The following HECTD4 variants were observed in gnomAD, a reference collection of about 807,000 sequenced individuals.
HECTD4 encodes the protein probable E3 ubiquitin-protein ligase HECTD4.
In HECTD4, 114 loss-of-function variants were observed where a neutral mutation model predicts 471.5. The ratio of observed to expected loss-of-function variants is 0.24; its 90% confidence interval spans 0.21 to 0.28. The LOEUF is 0.28. Among genes scored for constraint, HECTD4 ranks in the 10% least tolerant of loss-of-function variants. The pLI is 1.00. For missense variants in HECTD4, 3,866 were observed against 5,651.5 expected, an observed-to-expected ratio of 0.68 and a Z score of 10.13; for synonymous variants, 2,012 against 2,256.0, an observed-to-expected ratio of 0.89 and a Z score of 3.07.
chr12:112,265,247 T>C lies in HECTD4; in HGVS notation c.2547A>G (p.Glu849=), dbSNP rs750040771. Residue 849 remains glutamate (E), a synonymous_variant, in exon 16 of 76, where the codon GAA becomes GAG. Coordinates refer to ENST00000682272, the MANE Select transcript of HECTD4 (RefSeq NM_001388303.1). ...GGCACTTGGTGATTAAGATACAGGA[T>C]TCTCGTACAACAATCTTCAGAATGT... ...LHYILKIVVR[E]SCILITKCQT... 31 of 1,594,968 alleles carry C rather than the reference T, an allele frequency of 1.9e-5. No homozygotes were observed. Among genetic ancestry groups the C allele is most frequent in the Non-Finnish European group, 2.6e-5 (30 of 1,167,526 alleles).
At chr12:112,255,365 G>A (rs2033985898) in intron 21 of HECTD4, among the ~76,000 whole-genome samples, 1 of 152,138 alleles carries the variant, frequency 6.6e-6, no homozygotes, top group Admixed American at 6.6e-5. Context: ...TTCCAGCTAA[G>A]GTGAGTTTTG....
rs755366623 is a variant in HECTD4, at chr12:112,208,488, T to C, written c.8004+6A>G. On this transcript the variant is annotated splice_donor_region_variant and intron_variant, in intron 51 of 75. Coordinates refer to ENST00000682272, the MANE Select transcript of HECTD4 (RefSeq NM_001388303.1). ...GAGTCCTGATCTAAGCCTGTGGGTC[T>C]CTTACCTGAGGGATGTCATCATCGT... 2 of 1,578,786 alleles carry C rather than the reference T, an allele frequency of 1.3e-6. No homozygotes were observed. Among genetic ancestry groups the C allele is most frequent in the Non-Finnish European group, 1.7e-6 (2 of 1,165,398 alleles).
intron 1 of HECTD4, among the ~76,000 whole-genome samples, chr12:112,356,238 A>C (rs1380851954): frequency 6.6e-6 from 1 of 152,356 alleles, no homozygotes; most frequent in East Asian, 1.9e-4. Context: ...TAATCCAAAA[A>C]ATATCAAATG....
Position 112,170,368 on chromosome 12 carries a change from G to C in HECTD4, c.12017C>G (p.Pro4006Arg). 1 of 1,613,980 alleles carries C rather than the reference G, an allele frequency of 6.2e-7. No individual in the cohort carries two copies. The highest frequency in any genetic ancestry group is 2.2e-5 in the East Asian group (1 of 44,890). Reference protein sequence around the residue: ...TVQRTADHAAPEITLDPLEIV... With the variant: ...TVQRTADHAAREITLDPLEIV... ...TTCCAGTGGGTCCAAGGTGATCTCA[G>C]GGGCCGCGTGGTCCGCTGTCCTCTG... Residue 4006 changes from proline to arginine, a missense_variant, in exon 69 of 76, where the codon CCT becomes CGT. By Grantham distance (103) the Pro-to-Arg change is moderately radical. Coordinates refer to ENST00000682272, the MANE Select transcript of HECTD4 (RefSeq NM_001388303.1).
intron 60 of HECTD4, among the ~76,000 whole-genome samples, chr12:112,189,560 A>AAAAAAAAAAAAAAAAG (rs2032005593): frequency 6.6e-6 from 1 of 150,516 alleles, no homozygotes; most frequent in African/African-American, 2.5e-5. Flanking sequence ...CAAAAAAAAA[A>AAAAAAAAAAAAAAAAG]AAAAAAAAAA....
chr12:112,338,773 T>C (rs1272049450), intron 1 of HECTD4, among the ~76,000 whole-genome samples: 1 of 152,114 alleles, frequency 6.6e-6, no homozygotes, highest in East Asian at 1.9e-4. Flanking sequence ...ACGGAGCTTT[T>C]ACTTGTGGAG....
chr12:112,160,514 T>G lies in HECTD4; in HGVS notation c.*1873A>C, dbSNP rs1449122554. On this transcript the variant is annotated 3_prime_UTR_variant, in exon 76 of 76. Transcript: ENST00000682272. ...AGGTTTGGATCTGTCTGGACCTCAA[T>G]GTGCTCTCGGAGAAGCAGCCACGTT... 6.6e-6 allele frequency: 1 copy of G among 152,170 alleles called. No individual in the cohort carries two copies. The highest frequency in any genetic ancestry group is 1.5e-5 in the Non-Finnish European group (1 of 68,040). 9.4% of individuals were successfully genotyped at this position (152,170 alleles called of 1,614,324 possible).
intron 55 of HECTD4, among the ~76,000 whole-genome samples, chr12:112,200,043 A>G (rs1317545490): frequency 6.6e-6 from 1 of 152,150 alleles, no homozygotes; most frequent in Non-Finnish European, 1.5e-5. Context: ...ATTGCATTGC[A>G]GCGTTTGGGT....
At position 112,170,602 on chromosome 12, in the gene HECTD4, A is replaced by T. The variant is rs2031177015; in HGVS notation, c.11933-150T>A. The T allele has an allele frequency of 1.2e-5, 11 of 930,166 alleles. No homozygotes were observed. In the South Asian group the frequency reaches 1.8e-4, roughly 15 times the overall value. 57.6% of individuals were successfully genotyped at this position (930,166 alleles called of 1,614,324 possible). On this transcript the variant is annotated intron_variant, in intron 68 of 75. Transcript: ENST00000682272. ...CCCTGACTGTGGAGGGTGGTGTGTCAGCATCCGCCCAGCATATACCCTTTG... is the reference window on the plus strand; with the variant it reads ...CCCTGACTGTGGAGGGTGGTGTGTCTGCATCCGCCCAGCATATACCCTTTG...
rs1444092723 is a variant in HECTD4 at position 112,279,640 on chromosome 12, T to C, written c.1529-254A>G. The stretch of plus-strand genomic sequence containing the variant: ...TCTTGACAGTGCTCCCAATCCTCAA[T>C]ATGCCATCATGCCTCTACAAATTAT... On this transcript the variant is annotated intron_variant, in intron 8 of 75. Coordinates refer to ENST00000682272, the MANE Select transcript of HECTD4 (RefSeq NM_001388303.1). 4.6e-5 allele frequency among the ~76,000 whole-genome samples: 7 copies of C among 152,346 alleles called. No homozygotes were observed. In the South Asian group the frequency reaches 1.4e-3, roughly 32 times the overall value.
At chr12:112,174,227 C>A (rs1184720076) in intron 66 of HECTD4, among the ~76,000 whole-genome samples, 1 of 152,028 alleles carries the variant, frequency 6.6e-6, no homozygotes, top group East Asian at 1.9e-4. Context: ...CCTTGGCCTC[C>A]CAAAGTGCTG....
Position 112,229,756 on chromosome 12 carries a change from G to A in HECTD4, c.6461C>T (p.Ala2154Val). 5.0e-6 allele frequency: 8 copies of A among 1,614,002 alleles called. No homozygotes were observed. Among genetic ancestry groups the A allele is most frequent in the Non-Finnish European group, 6.8e-6 (8 of 1,179,890 alleles). The change falls in exon 41 of 76, where the codon GCC becomes GTC. Residue 2154 changes from alanine (A) to valine (V), a missense_variant. Ala to Val is a moderately conservative substitution (Grantham distance 64, BLOSUM62 0). Transcript: ENST00000682272. Reference sequence around the variant, plus strand: ...GAAGCCTCCAAGTGCACACAGTGCGGCAACGGCCTGGCGTGCAATTCTCTG... The same window carrying A: ...GAAGCCTCCAAGTGCACACAGTGCGACAACGGCCTGGCGTGCAATTCTCTG... ...KLQRIARQAV[A>V]ALCALGGFKE...
chr12:112,353,121 TTTCA>T (rs768035226), intron 1 of HECTD4, among the ~76,000 whole-genome samples: 83 of 152,308 alleles, frequency 5.4e-4, no homozygotes, highest in East Asian at 1.9e-4. Context: ...AGCAGAAGAA[TTTCA>T]TAAGAACCAA....
chr12:112,233,171 T>A, intron 37 of HECTD4, 86 bp from the exon 38 acceptor site: 1 of 941,594 alleles, frequency 1.1e-6, no homozygotes, highest in Admixed American at 2.0e-5. Flanking sequence ...CCAGTCATGG[T>A]GAGGCCCTAT....
intron 17 of HECTD4, 83 bp downstream of exon 17, chr12:112,264,001 A>G: frequency 7.6e-7 from 1 of 1,315,634 alleles, no homozygotes; most frequent in Non-Finnish European, 1.0e-6. Context: ...GAATTCTGAC[A>G]TCATAAAACA....
chr12:112,169,260 C>A (rs1299256016), intron 70 of HECTD4, among the ~76,000 whole-genome samples: 1 of 152,230 alleles, frequency 6.6e-6, no homozygotes, highest in Non-Finnish European at 1.5e-5. Flanking sequence ...CCAATCAGCA[C>A]CGAGGAGGGC....
At chr12:112,186,303 ATTC>A (rs911284573) in intron 60 of HECTD4, among the ~76,000 whole-genome samples, 12 of 119,608 alleles carry the variant, frequency 1.0e-4, no homozygotes, top group Non-Finnish European at 1.9e-4. Context: ...AGGCTGGCAT[ATTC>A]TTTTTTTTTT....
In HECTD4 at chr12:112,323,953, TCTTTCTTTCTTTCTTCCTTCCTTCCTTC is replaced by T. The variant is rs1380824037; in HGVS notation, c.178-4239_178-4212del. Among the ~76,000 whole-genome samples, 87 of 39,498 alleles carry T rather than the reference TCTTTCTTTCTTTCTTCCTTCCTTCCTTC, an allele frequency of 2.2e-3. 3 individuals carry two copies. Among genetic ancestry groups the T allele is most frequent in the East Asian group, 0.013 (2 of 160 alleles). The allele number at this position is 39,498 out of a possible 152,430, so 25.9% of individuals were successfully genotyped here. On this transcript the variant is annotated intron_variant, in intron 1 of 75. Coordinates refer to ENST00000682272, the MANE Select transcript of HECTD4 (RefSeq NM_001388303.1). ...GGTATTTTTTACTGAGGTGCTTCTT[TCTTTCTTTCTTTCTTCCTTCCTTCCTTC>T]CTTCCTTCCTTCCTTCCTTCCTTCC...
At chr12:112,277,991 A>G (rs1464996430) in intron 9 of HECTD4, among the ~76,000 whole-genome samples, 1 of 152,206 alleles carries the variant, frequency 6.6e-6, no homozygotes, top group Non-Finnish European at 1.5e-5. Context: ...TTCGTAGCTC[A>G]GCCACCATAA....
Sources: allele counts gnomAD v4.1 joint callset (sites outside exome capture counted in the v4.1 genomes callset), GRCh38; gene constraint gnomAD v4.1.1; transcripts MANE v1.5; gene names NCBI Gene and HGNC (gene_info 2026-07-23, HGNC 2026-07-21).